Variants in KCNK9 observed in about 807,000 individuals in gnomAD.
The protein encoded by KCNK9 is potassium two pore domain channel subfamily K member 9.
In KCNK9, 1 loss-of-function variant was observed where a neutral mutation model predicts 10.8. The observed-to-expected ratio is 0.09, with a 90% CI of 0.03 to 0.44. The LOEUF is 0.44. Ranked by LOEUF, KCNK9 falls within the 20% of genes least tolerant of loss-of-function variation. The probability of loss-of-function intolerance (pLI) is 0.97; values close to 1 mark genes in which losing one functional copy is unlikely to be tolerated. For missense variants in KCNK9, 303 were observed against 515.0 expected (o/e 0.59, Z 3.98); for synonymous variants, 231 against 222.7 (o/e 1.04, Z -0.33).
chr8:139,701,437 C>CTT (rs112025255), intron 1 of KCNK9, among the ~76,000 whole-genome samples: 8 of 151,292 alleles, frequency 5.3e-5, no homozygotes, highest in African/African-American at 1.9e-4. Flanking sequence ...CTGAGAAATC[C>CTT]TTTTTTTTTC....
intron 1 of KCNK9, among the ~76,000 whole-genome samples, chr8:139,636,391 G>T (rs1365210484): frequency 6.6e-6 from 1 of 152,228 alleles, no homozygotes; most frequent in East Asian, 1.9e-4. Context: ...AATGGGACCT[G>T]CCAGTCCCCA....
intron 1 of KCNK9, among the ~76,000 whole-genome samples, chr8:139,662,332 G>A (rs1054275493): frequency 6.6e-6 from 1 of 152,200 alleles, no homozygotes; most frequent in African/African-American, 2.4e-5. Flanking sequence ...GCTTGCTAGG[G>A]GCTGGGTGTG....
chr8:139,670,789 G>A (rs1215937190), intron 1 of KCNK9, among the ~76,000 whole-genome samples: 2 of 152,162 alleles, frequency 1.3e-5, no homozygotes, highest in East Asian at 3.8e-4. Context: ...ATGTATTATT[G>A]ATGTGATTAA....
At chr8:139,634,009 G>A (rs1815257053) in intron 1 of KCNK9, among the ~76,000 whole-genome samples, 1 of 152,246 alleles carries the variant, frequency 6.6e-6, no homozygotes, top group East Asian at 1.9e-4. Context: ...GGGCATTTGT[G>A]CCTGCCGCAT....
intron 1 of KCNK9, among the ~76,000 whole-genome samples, chr8:139,652,586 C>T (rs1815900998): frequency 6.6e-6 from 1 of 152,196 alleles, no homozygotes. Flanking sequence ...CCCTGGCGCT[C>T]CTCTAAGGGC....
intron 1 of KCNK9, among the ~76,000 whole-genome samples, chr8:139,640,807 A>C (rs1368959377): frequency 6.6e-6 from 1 of 152,228 alleles, no homozygotes; most frequent in African/African-American, 2.4e-5. Context: ...TGCGTCATCC[A>C]CAGAAACAAG....
intron 1 of KCNK9, among the ~76,000 whole-genome samples, chr8:139,641,795 C>T (rs866300853): frequency 2.0e-5 from 3 of 152,178 alleles, no homozygotes; most frequent in Non-Finnish European, 4.4e-5. Context: ...CCTGGTGAGT[C>T]CAATGCAACT....
At chr8:139,676,400 A>G (rs1402702765) in intron 1 of KCNK9, among the ~76,000 whole-genome samples, 1 of 152,142 alleles carries the variant, frequency 6.6e-6, no homozygotes, top group Non-Finnish European at 1.5e-5. Context: ...ACAACTTGTG[A>G]GTTACTTATT....
At chr8:139,626,333 T>C (rs1814973879) in intron 1 of KCNK9, among the ~76,000 whole-genome samples, 1 of 152,164 alleles carries the variant, frequency 6.6e-6, no homozygotes, top group Admixed American at 6.5e-5. Context: ...AGCAGGGCCT[T>C]TACCTCCTGC....
intron 1 of KCNK9, among the ~76,000 whole-genome samples, chr8:139,672,892 C>T (rs1023140614): frequency 5.3e-5 from 8 of 152,230 alleles, no homozygotes; most frequent in Non-Finnish European, 8.8e-5. Context: ...CCCGGATCTT[C>T]CCTGGCATCA....
intron 1 of KCNK9, among the ~76,000 whole-genome samples, chr8:139,659,483 T>C (rs1181956174): frequency 6.6e-6 from 1 of 151,300 alleles, no homozygotes; most frequent in Non-Finnish European, 1.5e-5. Context: ...CCTACCCCTG[T>C]ATTGGTGTGG....
chr8:139,692,074 C>T (rs575829923), intron 1 of KCNK9, among the ~76,000 whole-genome samples: 2 of 152,276 alleles, frequency 1.3e-5, no homozygotes, highest in South Asian at 4.1e-4. Flanking sequence ...GTGGAGCAGC[C>T]ACCATGGAAC....
chr8:139,626,718 T>C (rs959438893), intron 1 of KCNK9, among the ~76,000 whole-genome samples: 4 of 152,206 alleles, frequency 2.6e-5, no homozygotes, highest in African/African-American at 9.7e-5. Flanking sequence ...GAGATGGCCA[T>C]ACAAGTATTT....
At chr8:139,681,811 G>C (rs1253878549) in intron 1 of KCNK9, among the ~76,000 whole-genome samples, 2 of 152,234 alleles carry the variant, frequency 1.3e-5, no homozygotes, top group Non-Finnish European at 2.9e-5. Flanking sequence ...GAAAGAAGAC[G>C]TCAGTGCGTG....
chr8:139,649,935 G>A (rs1815810194), intron 1 of KCNK9, among the ~76,000 whole-genome samples: 2 of 152,230 alleles, frequency 1.3e-5, no homozygotes, highest in Admixed American at 6.5e-5. Flanking sequence ...AAGGAAAGAG[G>A]TGGGTGTGGG....
At chr8:139,679,930 G>T (rs973692805) in intron 1 of KCNK9, among the ~76,000 whole-genome samples, 1 of 152,208 alleles carries the variant, frequency 6.6e-6, no homozygotes, top group Non-Finnish European at 1.5e-5. Context: ...GCACCTTGTA[G>T]TATGTCACAG....
At chr8:139,637,248 A>G (rs937184299) in intron 1 of KCNK9, among the ~76,000 whole-genome samples, 2 of 152,224 alleles carry the variant, frequency 1.3e-5, no homozygotes, top group Non-Finnish European at 2.9e-5. Context: ...TGCTGACCGC[A>G]TACCCCAACA....
Position 139,653,740 on chromosome 8 carries a change from C to G in KCNK9, c.284-34641G>C, listed in dbSNP as rs56817290. Among the ~76,000 whole-genome samples the G allele has an allele frequency of 4.3e-3, 649 of 152,330 alleles. 1 individual carries two copies. Among genetic ancestry groups the G allele is most frequent in the African/African-American group, 0.015 (615 of 41,582 alleles). On this transcript the variant is annotated intron_variant, in intron 1 of 1. Transcript: ENST00000520439. ...GTGCTTTCAAAACCCATAAATCGCT[C>G]TACAAACACGAGGCGGCATTATCAG...
At chr8:139,603,263 G>A (rs147534084) in intron 2 of KCNK9, among the ~76,000 whole-genome samples, 37 of 152,300 alleles carry the variant, frequency 2.4e-4, no homozygotes, top group Admixed American at 1.6e-3. Flanking sequence ...TTTGGGCAGC[G>A]GCACAAGCAC....
Sources: gnomAD v4.1 joint callset for allele counts (sites outside exome capture counted in the v4.1 genomes callset) on GRCh38, gnomAD v4.1.1 for gene constraint, MANE v1.5 for transcripts, NCBI Gene and HGNC (gene_info 2026-07-23, HGNC 2026-07-21) for gene names.